Variants in FOXP2 observed in about 807,000 individuals in gnomAD.
FOXP2 encodes forkhead box protein P2.
In FOXP2, 12 loss-of-function variants were observed where a neutral mutation model predicts 115.8. The observed-to-expected ratio is 0.10, with a 90% CI of 0.07 to 0.17. FOXP2 has a LOEUF of 0.17. FOXP2 is among the 10% of genes least tolerant of loss of function. The pLI is 1.00. For missense variants in FOXP2, 629 were observed against 843.5 expected (o/e 0.75, Z 3.15); for synonymous variants, 328 against 297.7 (o/e 1.10, Z -1.05).
At chr7:114,513,940 T>C (rs1222682611) in intron 2 of FOXP2, among the ~76,000 whole-genome samples, 1 of 152,110 alleles carries the variant, frequency 6.6e-6, no homozygotes, top group Admixed American at 6.6e-5. Flanking sequence ...GTATTTCAAA[T>C]GTGTGAAAAT....
At chr7:114,553,711 T>C (rs1800320792) in intron 3 of FOXP2, among the ~76,000 whole-genome samples, 1 of 152,162 alleles carries the variant, frequency 6.6e-6, no homozygotes, top group Admixed American at 6.5e-5. Flanking sequence ...TCTGAGTATG[T>C]GTTTGAATAC....
At chr7:114,283,780 T>C (rs572848354) in intron 1 of FOXP2, among the ~76,000 whole-genome samples, 1 of 152,126 alleles carries the variant, frequency 6.6e-6, no homozygotes, top group South Asian at 2.1e-4. Flanking sequence ...TTGGGCAACA[T>C]AGGGAGACTC....
rs1223541104 is a variant in FOXP2, at chr7:114,134,680, TC to T, written c.-246-28262del. ...GTGAGCCGAGATCCCGCCACTGCAC[TC>T]CAGCCTGGGCGACAGAGCGAGACTC... On this transcript the variant is annotated intron_variant, in intron 1 of 19. Transcript: ENST00000635638. Among the ~76,000 whole-genome samples, 19 of 141,082 alleles carry T rather than the reference TC, an allele frequency of 1.3e-4. No homozygotes were observed. In the East Asian group the frequency reaches 4.0e-3, roughly 29 times the overall value. 92.6% of individuals were successfully genotyped at this position (141,082 alleles called of 152,430 possible).
chr7:114,235,553 G>T (rs931858890), intron 1 of FOXP2, among the ~76,000 whole-genome samples: 3 of 152,162 alleles, frequency 2.0e-5, no homozygotes, highest in African/African-American at 7.2e-5. Context: ...GTCACAAAAT[G>T]TAGTATATTG....
chr7:114,117,101 T>C (rs1335172590), intron 1 of FOXP2, among the ~76,000 whole-genome samples: 1 of 152,106 alleles, frequency 6.6e-6, no homozygotes, highest in Non-Finnish European at 1.5e-5. Flanking sequence ...AAAATTTTAC[T>C]TTGATTTAGT....
At chr7:114,295,165 C>T (rs1239279905) in intron 2 of FOXP2, among the ~76,000 whole-genome samples, 1 of 152,118 alleles carries the variant, frequency 6.6e-6, no homozygotes, top group East Asian at 1.9e-4. Context: ...GCCTGCTTTT[C>T]AATTCAACTG....
intron 2 of FOXP2, among the ~76,000 whole-genome samples, chr7:114,334,187 C>T (rs1036473299): frequency 2.0e-5 from 3 of 151,980 alleles, no homozygotes; most frequent in Non-Finnish European, 2.9e-5. Flanking sequence ...AAGAAATGTG[C>T]GGTAGATCAA....
At chr7:114,446,800 A>C (rs1266406476) in intron 2 of FOXP2, among the ~76,000 whole-genome samples, 2 of 147,308 alleles carry the variant, frequency 1.4e-5, no homozygotes, top group Non-Finnish European at 3.0e-5. Flanking sequence ...GCTGGAGTGC[A>C]TGCAGTGGGG....
intron 1 of FOXP2, among the ~76,000 whole-genome samples, chr7:114,223,064 A>G (rs955326574): frequency 1.3e-5 from 2 of 152,054 alleles, no homozygotes; most frequent in Admixed American, 6.6e-5. Context: ...AGAACATTTT[A>G]TATGTTTCAT....
rs930724143 is a variant in FOXP2 at position 114,369,002 on chromosome 7, A to C, written c.-10-57500A>C. Among the ~76,000 whole-genome samples the C allele has an allele frequency of 5.3e-5, 8 of 152,194 alleles. No individual in the cohort carries two copies. The East Asian group carries it at 1.5e-3, about 29-fold the overall frequency. On this transcript the variant is annotated intron_variant, in intron 2 of 17. Coordinates refer to the FOXP2 transcript ENST00000634411. ...GGCTTCAGCTGGGGCTGCTAGACCG[A>C]AGTTGGAGGATCGAGCCACTTAAGA...
At chr7:114,094,832 T>A (rs1016460597) in intron 1 of FOXP2, among the ~76,000 whole-genome samples, 3 of 151,952 alleles carry the variant, frequency 2.0e-5, no homozygotes, top group African/African-American at 7.3e-5. Context: ...ACTAAATTTT[T>A]AAAATTTTAT....
chr7:114,286,116 G>A lies in FOXP2; in HGVS notation c.-101-1903G>A, dbSNP rs181867468. 1.5e-3 allele frequency among the ~76,000 whole-genome samples: 235 copies of A among 151,628 alleles called. 1 individual carries two copies. The highest frequency in any genetic ancestry group is 3.4e-3 in the Middle Eastern group (1 of 294). On this transcript the variant is annotated intron_variant, in intron 1 of 17. Transcript: ENST00000634411. The stretch of plus-strand genomic sequence containing the variant: ...AAGGTGCCCACTTTACTTTCTGCCC[G>A]ATTCTTAGATCAGTTTTTGCTCTAT...
At chr7:114,535,393 T>C (rs1469209496) in intron 3 of FOXP2, among the ~76,000 whole-genome samples, 8 of 151,654 alleles carry the variant, frequency 5.3e-5, no homozygotes, top group Non-Finnish European at 1.0e-4. Context: ...AGGTAAATTC[T>C]GGAATTGCAT....
chr7:114,269,324 G>T (rs930563315), intron 1 of FOXP2, among the ~76,000 whole-genome samples: 3 of 152,260 alleles, frequency 2.0e-5, no homozygotes. Flanking sequence ...GAAGTATTTT[G>T]CGTTTGTAAA....
chr7:114,272,229 A>G (rs1349898346), intron 1 of FOXP2, among the ~76,000 whole-genome samples: 3 of 151,010 alleles, frequency 2.0e-5, no homozygotes, highest in Non-Finnish European at 4.4e-5. Flanking sequence ...CATTCCTGAG[A>G]TAATCCCACT....
intron 3 of FOXP2, among the ~76,000 whole-genome samples, chr7:114,563,072 A>G (rs757286095): frequency 3.3e-5 from 5 of 152,142 alleles, no homozygotes; most frequent in Non-Finnish European, 7.4e-5. Context: ...TCCCTTTTAT[A>G]AAACCATCAG....
chr7:114,295,099 C>G (rs569482761), intron 2 of FOXP2, among the ~76,000 whole-genome samples: 28 of 152,158 alleles, frequency 1.8e-4, no homozygotes, highest in Admixed American at 5.9e-4. Flanking sequence ...TTGGAACTAT[C>G]CGCTAGTAAA....
At chr7:114,521,278 G>A (rs533961494) in intron 2 of FOXP2, among the ~76,000 whole-genome samples, 3 of 151,990 alleles carry the variant, frequency 2.0e-5, no homozygotes, top group South Asian at 2.1e-4. Flanking sequence ...AAATAAATTC[G>A]TAAACTGAAT....
At chr7:114,676,589 A>G (rs1807779947) in intron 16 of FOXP2, among the ~76,000 whole-genome samples, 1 of 152,216 alleles carries the variant, frequency 6.6e-6, no homozygotes, top group African/African-American at 2.4e-5. Context: ...TGATTACTAT[A>G]GAAGTATGTT....
Sources: gnomAD v4.1 joint callset for allele counts (sites outside exome capture counted in the v4.1 genomes callset) on GRCh38, gnomAD v4.1.1 for gene constraint, MANE v1.5 for transcripts, NCBI Gene and HGNC (gene_info 2026-07-23, HGNC 2026-07-21) for gene names.